The following RASSF3 variants were observed in gnomAD, a reference collection of about 807,000 sequenced individuals.
RASSF3 encodes ras association domain-containing protein 3.
Under a neutral mutation model 19.9 loss-of-function variants are expected in RASSF3, and 19 were observed. The ratio of observed to expected loss-of-function variants is 0.96; its 90% CI spans 0.67 to 1.40. The LOEUF is 1.40. Among genes scored for constraint, RASSF3 ranks in the 40% most tolerant of loss-of-function variants. The probability of loss-of-function intolerance (pLI) is 0.00; values close to 1 mark genes in which losing one functional copy is unlikely to be tolerated. For missense variants in RASSF3, 306 were observed against 289.8 expected (o/e 1.06, Z -0.41); for synonymous variants, 110 against 104.2 (o/e 1.06, Z -0.34).
intron 1 of RASSF3, among the ~76,000 whole-genome samples, chr12:64,657,451 A>G (rs1425953189): frequency 6.6e-6 from 1 of 152,266 alleles, no homozygotes; most frequent in Non-Finnish European, 1.5e-5. Flanking sequence ...TTTAATCACA[A>G]TAAAGTAAAT....
Position 64,648,802 on chromosome 12 carries a change from A to ATTTTTTTTT in RASSF3, c.112-35973_112-35965dup, listed in dbSNP as rs60003798. ...GGCCAAGCTTCTTGTTTTTACATTG[A>ATTTTTTTTT]TTTTTTTTTTTTTTTTTTTTAGAGA... On this transcript the variant is annotated intron_variant, in intron 1 of 4. Coordinates refer to ENST00000542104, the MANE Select transcript of RASSF3 (RefSeq NM_178169.4). Among the ~76,000 whole-genome samples the ATTTTTTTTT allele has an allele frequency of 2.3e-4, 24 of 104,980 alleles. 5 individuals carry two copies. The highest frequency in any genetic ancestry group is 5.3e-4 in the East Asian group (2 of 3,762). The allele number at this position is 104,980 out of a possible 152,430, so 68.9% of individuals were successfully genotyped here. A position where few individuals can be genotyped will look rare whatever the true frequency, so the allele number is the denominator to read the frequency against.
At chr12:64,623,543 A>G (rs1009723999) in intron 1 of RASSF3, among the ~76,000 whole-genome samples, 1 of 152,188 alleles carries the variant, frequency 6.6e-6, no homozygotes, top group Admixed American at 6.5e-5. Flanking sequence ...TTGTCCATTT[A>G]AGGTCTGTTT....
chr12:64,564,788 T>G (rs989371581), intron 2 of RASSF3, among the ~76,000 whole-genome samples: 2 of 144,086 alleles, frequency 1.4e-5, no homozygotes, highest in South Asian at 2.2e-4. Flanking sequence ...TTGTTTTTTG[T>G]TTTTTTTTTT....
upstream of RASSF3, among the ~76,000 whole-genome samples, chr12:64,607,520 C>A (rs1345880491): frequency 1.3e-5 from 2 of 151,960 alleles, no homozygotes; most frequent in Admixed American, 1.3e-4. Context: ...CAGGCATGTG[C>A]CATCATGCCC....
At chr12:64,683,109 T>C (rs1303547455) in intron 1 of RASSF3, among the ~76,000 whole-genome samples, 3 of 152,240 alleles carry the variant, frequency 2.0e-5, no homozygotes, top group African/African-American at 7.2e-5. Flanking sequence ...AATTAGCTCA[T>C]TGTTGGGAGG....
At chr12:64,694,544 G>A (rs1385671179) in intron 4 of RASSF3, among the ~76,000 whole-genome samples, 1 of 152,142 alleles carries the variant, frequency 6.6e-6, no homozygotes, top group Non-Finnish European at 1.5e-5. Flanking sequence ...CTTGAACAGT[G>A]GGAGGAGAGG....
intron 1 of RASSF3, among the ~76,000 whole-genome samples, chr12:64,631,561 ATG>A (rs1350232014): frequency 6.6e-5 from 10 of 151,590 alleles, no homozygotes; most frequent in Non-Finnish European, 4.4e-5. Context: ...GTATGTATGT[ATG>A]TATGTATGTA....
chr12:64,516,811 C>A (rs1391240314), intron 1 of RASSF3, among the ~76,000 whole-genome samples: 2 of 151,642 alleles, frequency 1.3e-5, no homozygotes, highest in African/African-American at 2.4e-5. Flanking sequence ...ACCAGCCTGA[C>A]CAACATGGTG....
chr12:64,574,796 A>C (rs1488699228), intron 2 of RASSF3, among the ~76,000 whole-genome samples: 1 of 152,244 alleles, frequency 6.6e-6, no homozygotes, highest in African/African-American at 2.4e-5. Context: ...AGCCAAGACC[A>C]GCAGAGTGAT....
At chr12:64,673,447 T>G (rs1222924668) in intron 1 of RASSF3, among the ~76,000 whole-genome samples, 2 of 152,218 alleles carry the variant, frequency 1.3e-5, no homozygotes, top group African/African-American at 4.8e-5. Flanking sequence ...ATTTGAAAAC[T>G]TACTGTTGAA....
chr12:64,557,089 G>A (rs773873634), intron 2 of RASSF3, among the ~76,000 whole-genome samples: 1 of 151,904 alleles, frequency 6.6e-6, no homozygotes, highest in African/African-American at 2.4e-5. Flanking sequence ...CGCCCACCTC[G>A]GCCTCCCAAA....
chr12:64,536,714 T>C (rs1393033496), intron 1 of RASSF3, among the ~76,000 whole-genome samples: 1 of 152,230 alleles, frequency 6.6e-6, no homozygotes, highest in Non-Finnish European at 1.5e-5. Context: ...AGGATTTCAG[T>C]TCTAGTTCCA....
intron 1 of RASSF3, among the ~76,000 whole-genome samples, chr12:64,514,070 G>A (rs1166898007): frequency 1.4e-5 from 2 of 145,326 alleles, no homozygotes; most frequent in East Asian, 4.1e-4. Flanking sequence ...TTTTTTTTTA[G>A]TAGAGACGGG....
chr12:64,644,198 A>G (rs1871646455), intron 1 of RASSF3, among the ~76,000 whole-genome samples: 1 of 152,222 alleles, frequency 6.6e-6, no homozygotes, highest in Admixed American at 6.5e-5. Flanking sequence ...TTTAAGGTAG[A>G]GAACCAGAAA....
chr12:64,676,431 A>G (rs979480987), intron 1 of RASSF3, among the ~76,000 whole-genome samples: 1 of 148,454 alleles, frequency 6.7e-6, no homozygotes, highest in Non-Finnish European at 1.5e-5. Context: ...GGCCTCCCAA[A>G]GTGCTGAGAT....
chr12:64,510,619 T>C (rs1868322591), intron 1 of RASSF3, among the ~76,000 whole-genome samples: 1 of 152,206 alleles, frequency 6.6e-6, no homozygotes, highest in African/African-American at 2.4e-5. Context: ...TAGCTGACTC[T>C]CCTGCAGCTC....
intron 3 of RASSF3, among the ~76,000 whole-genome samples, chr12:64,690,814 C>G (rs1214483834): frequency 6.7e-6 from 1 of 150,186 alleles, no homozygotes; most frequent in Non-Finnish European, 1.5e-5. Context: ...GAGTAGTGGA[C>G]CCTTTTTTAG....
At chr12:64,670,694 G>T (rs184946422) in intron 1 of RASSF3, among the ~76,000 whole-genome samples, 5 of 152,116 alleles carry the variant, frequency 3.3e-5, no homozygotes, top group Non-Finnish European at 5.9e-5. Context: ...TAAATTGTCA[G>T]TGGCCCTGGC....
chr12:64,635,710 G>T (rs551634415), intron 1 of RASSF3, among the ~76,000 whole-genome samples: 1 of 152,308 alleles, frequency 6.6e-6, no homozygotes, highest in African/African-American at 2.4e-5. Flanking sequence ...GGTAAGAAGA[G>T]GGGAAGCTGC....
Sources: allele counts gnomAD v4.1 joint callset (sites outside exome capture counted in the v4.1 genomes callset), GRCh38; gene constraint gnomAD v4.1.1; transcripts MANE v1.5; gene names NCBI Gene and HGNC (gene_info 2026-07-23, HGNC 2026-07-21).